IGSF11: variants seen among roughly 807,000 people sequenced by gnomAD.
The protein encoded by IGSF11 is CXADR like 1.
A neutral mutation model predicts 41.0 loss-of-function variants in IGSF11; 22 were observed. That is an observed-to-expected ratio of 0.54 (90% CI 0.38 to 0.77). The LOEUF is 0.77. IGSF11 is among the 30% of genes least tolerant of loss of function. The pLI is 0.00. For synonymous variants in IGSF11, 219 were observed against 201.3 expected (o/e 1.09, Z -0.74); for missense variants, 444 against 530.8 (o/e 0.84, Z 1.61).
chr3:119,141,487 TG>T (rs1321702414), intron 1 of IGSF11, among the ~76,000 whole-genome samples: 2 of 151,492 alleles, frequency 1.3e-5, no homozygotes, highest in African/African-American at 4.8e-5. Flanking sequence ...ATTTAAAGGT[TG>T]TTTTTTCAAA....
At chr3:118,977,034 G>GA (rs1397728413) in intron 1 of IGSF11, among the ~76,000 whole-genome samples, 2 of 152,082 alleles carry the variant, frequency 1.3e-5, no homozygotes, top group African/African-American at 2.4e-5. Flanking sequence ...ATTGATATGT[G>GA]AAAAAATATT....
chr3:119,110,867 T>G, intron 1 of IGSF11, among the ~76,000 whole-genome samples: 1 of 151,672 alleles, frequency 6.6e-6, no homozygotes, highest in Non-Finnish European at 1.5e-5. Context: ...TTTGGCTGGA[T>G]ATGAAATTCT....
intron 1 of IGSF11, among the ~76,000 whole-genome samples, chr3:119,010,899 C>T (rs1032461586): frequency 3.9e-5 from 6 of 152,164 alleles, no homozygotes; most frequent in African/African-American, 1.4e-4. Flanking sequence ...ATCTGGCTCT[C>T]TTCAGTAAAT....
At chr3:118,951,734 C>G (rs976573933) in intron 1 of IGSF11, among the ~76,000 whole-genome samples, 1 of 152,106 alleles carries the variant, frequency 6.6e-6, no homozygotes, top group South Asian at 2.1e-4. Context: ...TAAGATGGTA[C>G]AGCATTTGCA....
In IGSF11 at chr3:119,089,001, T is replaced by A. The variant is rs558549920; in HGVS notation, c.49+16143A>T. ...CTAGACCGGATGGATTCTACTGACA[T>A]ACAAAGAATAACTGATACGAATTCT... On this transcript the variant is annotated intron_variant, in intron 1 of 6. Transcript: ENST00000354673. Among the ~76,000 whole-genome samples, 6 of 151,974 alleles carry A rather than the reference T, an allele frequency of 3.9e-5. No individual in the cohort carries two copies. The South Asian group carries it at 1.2e-3, about 32-fold the overall frequency.
chr3:118,965,984 G>T (rs2107609558), intron 1 of IGSF11, among the ~76,000 whole-genome samples: 1 of 151,250 alleles, frequency 6.6e-6, no homozygotes, highest in South Asian at 2.1e-4. Context: ...TTAAGGAAAG[G>T]TAAGAAAAGG....
At chr3:119,009,680 A>C (rs1455115829) in intron 1 of IGSF11, among the ~76,000 whole-genome samples, 1 of 152,170 alleles carries the variant, frequency 6.6e-6, no homozygotes, top group African/African-American at 2.4e-5. Context: ...GAACGAATAC[A>C]ATGATCAACA....
chr3:118,971,819 A>G (rs993424621), intron 1 of IGSF11, among the ~76,000 whole-genome samples: 34 of 149,570 alleles, frequency 2.3e-4, no homozygotes, highest in African/African-American at 7.1e-4. Context: ...AAAAAAAAAA[A>G]GAAGAAACTA....
intron 1 of IGSF11, among the ~76,000 whole-genome samples, chr3:119,052,450 G>A (rs1941663887): frequency 1.7e-5 from 2 of 120,052 alleles, no homozygotes; most frequent in Admixed American, 2.0e-4. Context: ...AGGGAGGGAG[G>A]AAGAGAGGGA....
intron 1 of IGSF11, among the ~76,000 whole-genome samples, chr3:119,050,211 C>A (rs1330224391): frequency 1.3e-5 from 2 of 151,822 alleles, no homozygotes; most frequent in African/African-American, 4.8e-5. Flanking sequence ...AGTGAACAGG[C>A]AACCTACAAA....
chr3:118,905,843 G>T lies in IGSF11; in HGVS notation c.581-125C>A. On this transcript the variant is annotated intron_variant, in intron 4 of 6. Transcript: ENST00000393775. ...TATCAATAAATTTCTTTTTTGTGGG[G>T]GTAGGGTGAGAAATTATTGGTTCAT... 3 of 1,017,288 alleles carry T rather than the reference G, an allele frequency of 2.9e-6. No homozygotes were observed. In the South Asian group the frequency reaches 5.1e-5, roughly 17 times the overall value. The allele number at this position is 1,017,288 out of a possible 1,614,324, so 63.0% of individuals were successfully genotyped here.
chr3:119,082,317 A>G (rs1409810543), intron 1 of IGSF11, among the ~76,000 whole-genome samples: 1 of 152,186 alleles, frequency 6.6e-6, no homozygotes, highest in Non-Finnish European at 1.5e-5. Context: ...ACACTTAACT[A>G]CAGATTGGCC....
chr3:118,930,431 C>T (rs1356034403), intron 1 of IGSF11, among the ~76,000 whole-genome samples, 156 bp from the exon 2 acceptor site: 1 of 152,104 alleles, frequency 6.6e-6, no homozygotes, highest in African/African-American at 2.4e-5. Flanking sequence ...GTCACTGAGT[C>T]AAAATAATAA....
intron 1 of IGSF11, among the ~76,000 whole-genome samples, chr3:119,120,647 C>T (rs1049600913): frequency 2.6e-5 from 4 of 152,156 alleles, no homozygotes; most frequent in Non-Finnish European, 2.9e-5. Context: ...AGATTGGCCT[C>T]CCACCCTAAC....
In IGSF11 at chr3:118,902,957, C is replaced by A; in HGVS notation, c.859G>T (p.Asp287Tyr). 6.2e-7 allele frequency: 1 copy of A among 1,613,362 alleles called. No individual in the cohort carries two copies. The highest frequency in any genetic ancestry group is 8.5e-7 in the Non-Finnish European group (1 of 1,179,356). ...GAAGAACACTTGGGTGGAAGATCAT[C>A]CTCTCTGAAAGGAACAAAATAAAGT... ...EEEIPNEIREDDLPPKCSSAK... is the reference protein window; with the variant it reads ...EEEIPNEIREYDLPPKCSSAK... Residue 287 changes from aspartate to tyrosine, a missense_variant, in exon 7 of 7, where the codon GAT becomes TAT. Asp to Tyr is a radical substitution (Grantham distance 160). This residue lies in a region of IGSF11 where 223 missense variants were observed against 226.2 expected (regional missense o/e 0.99). Coordinates refer to ENST00000393775, the MANE Select transcript of IGSF11 (RefSeq NM_001015887.3).
intron 1 of IGSF11, among the ~76,000 whole-genome samples, chr3:118,980,004 C>G (rs1182629624): frequency 6.6e-6 from 1 of 151,842 alleles, no homozygotes; most frequent in African/African-American, 2.4e-5. Context: ...TTAAAAAAAG[C>G]AAGAAATAGC....
chr3:118,984,407 C>A (rs1935051416), intron 1 of IGSF11, among the ~76,000 whole-genome samples: 1 of 152,068 alleles, frequency 6.6e-6, no homozygotes, highest in Non-Finnish European at 1.5e-5. Context: ...CCAGTCAATA[C>A]AAAATGTATC....
intron 1 of IGSF11, among the ~76,000 whole-genome samples, chr3:119,008,690 G>A (rs1322731348): frequency 6.6e-6 from 1 of 152,174 alleles, no homozygotes; most frequent in Non-Finnish European, 1.5e-5. Flanking sequence ...TCACCTATGA[G>A]GGTTAATGTG....
chr3:118,953,242 T>A lies in IGSF11; in HGVS notation c.53-22967A>T, dbSNP rs141819250. Among the ~76,000 whole-genome samples the A allele has an allele frequency of 2.6e-3, 388 of 152,122 alleles. 1 individual carries two copies. Among genetic ancestry groups the A allele is most frequent in the Non-Finnish European group, 4.0e-3 (273 of 67,904 alleles). ...CCATGATTTCAACGCTTTTTATGGC[T>A]ATTATTTCATGGTACACATGAATAT... On this transcript the variant is annotated intron_variant, in intron 1 of 6. Transcript: ENST00000393775.
Sources: gnomAD v4.1 joint callset for allele counts (sites outside exome capture counted in the v4.1 genomes callset) on GRCh38, gnomAD v4.1.1 for gene constraint, gnomAD v4.1.1 regional missense constraint, MANE v1.5 for transcripts, NCBI Gene and HGNC (gene_info 2026-07-23, HGNC 2026-07-21) for gene names.